The following NTM variants were observed in gnomAD, a reference collection of about 807,000 sequenced individuals.
NTM encodes neurotrimin.
NTM carries 13 observed loss-of-function variants against 42.1 expected under a neutral mutation model. The ratio of observed to expected loss-of-function variants is 0.31; its 90% confidence interval spans 0.20 to 0.49. NTM has a LOEUF of 0.49. Among genes scored for constraint, NTM ranks in the 20% least tolerant of loss-of-function variants. The pLI is 0.99. For synonymous variants in NTM, 187 were observed against 179.2 expected, an observed-to-expected ratio of 1.04 and a Z score of -0.35; for missense variants, 373 against 452.8, an observed-to-expected ratio of 0.82 and a Z score of 1.60.
chr11:131,391,148 T>C (rs976146214), intron 1 of NTM, among the ~76,000 whole-genome samples: 1 of 152,194 alleles, frequency 6.6e-6, no homozygotes, highest in African/African-American at 2.4e-5. Context: ...CCCTGAACCT[T>C]GTGAGGTAGG....
chr11:131,876,910 G>A (rs943386233), intron 1 of NTM, among the ~76,000 whole-genome samples: 22 of 150,938 alleles, frequency 1.5e-4, no homozygotes, highest in African/African-American at 4.9e-4. Context: ...CCAGGCTGGA[G>A]AGCAGTGGTG....
chr11:131,962,047 G>C (rs2062242433), intron 2 of NTM, among the ~76,000 whole-genome samples: 1 of 152,092 alleles, frequency 6.6e-6, no homozygotes, highest in Admixed American at 6.6e-5. Context: ...ATCTCTGTGA[G>C]TGGCCTAGGT....
At chr11:132,077,524 C>G (rs2058520203) in intron 2 of NTM, among the ~76,000 whole-genome samples, 1 of 152,118 alleles carries the variant, frequency 6.6e-6, no homozygotes, top group South Asian at 2.1e-4. Flanking sequence ...CTATCTAACC[C>G]CCATCACAAC....
At chr11:131,623,683 G>A (rs1263722392) in intron 1 of NTM, among the ~76,000 whole-genome samples, 3 of 152,320 alleles carry the variant, frequency 2.0e-5, no homozygotes, top group Admixed American at 6.5e-5. Context: ...AGTGACCCCC[G>A]CAGATGGTTT....
intron 2 of NTM, among the ~76,000 whole-genome samples, chr11:131,986,698 C>T (rs944743246): frequency 6.6e-6 from 1 of 152,122 alleles, no homozygotes; most frequent in African/African-American, 2.4e-5. Context: ...TTTGTATTTG[C>T]CTTCCTTATT....
At position 131,851,682 on chromosome 11, in the gene NTM, C is replaced by A. The variant is rs75244705; in HGVS notation, c.83-59882C>A. On this transcript the variant is annotated intron_variant, in intron 1 of 8. Coordinates refer to ENST00000683400, the MANE Select transcript of NTM (RefSeq NM_001352005.2). ...GTGCCACTGATTTTTATACAAATGC[C>A]ATTGCAGCACCTTTGAGGACATTCT... 2.7e-3 allele frequency among the ~76,000 whole-genome samples: 412 copies of A among 152,158 alleles called. 1 individual carries two copies. Among genetic ancestry groups the A allele is most frequent in the African/African-American group, 9.4e-3 (390 of 41,524 alleles).
At chr11:132,243,984 G>A (rs557600420) in intron 4 of NTM, among the ~76,000 whole-genome samples, 2 of 152,308 alleles carry the variant, frequency 1.3e-5, no homozygotes, top group African/African-American at 4.8e-5. Flanking sequence ...CTGCCATCCC[G>A]TCTCATGGGC....
intron 2 of NTM, among the ~76,000 whole-genome samples, chr11:132,084,855 T>TAAAC (rs2059509241): frequency 6.6e-6 from 1 of 152,192 alleles, no homozygotes; most frequent in Non-Finnish European, 1.5e-5. Context: ...TTGCATTAGT[T>TAAAC]TACTATTGAT....
intron 2 of NTM, among the ~76,000 whole-genome samples, chr11:131,947,619 C>T (rs1307797704): frequency 2.0e-5 from 3 of 152,064 alleles, no homozygotes; most frequent in Non-Finnish European, 4.4e-5. Context: ...GACACAGGGC[C>T]CTGGGGTCTG....
chr11:131,793,515 A>T (rs2136166139), intron 1 of NTM, among the ~76,000 whole-genome samples: 1 of 152,320 alleles, frequency 6.6e-6, no homozygotes, highest in African/African-American at 2.4e-5. Context: ...AGATTTTTAA[A>T]ACTGAGTAGC....
At chr11:132,161,002 C>A (rs1206298038) in intron 3 of NTM, among the ~76,000 whole-genome samples, 1 of 152,198 alleles carries the variant, frequency 6.6e-6, no homozygotes, top group African/African-American at 2.4e-5. Context: ...TAGGGGAGAG[C>A]AGACCCAATT....
At chr11:131,385,966 C>G (rs1009024274) in intron 1 of NTM, among the ~76,000 whole-genome samples, 10 of 152,138 alleles carry the variant, frequency 6.6e-5, no homozygotes, top group Admixed American at 4.6e-4. Context: ...CAATTCTACT[C>G]CTGGGTATAT....
chr11:132,205,368 A>G (rs563110893), intron 3 of NTM, among the ~76,000 whole-genome samples: 5 of 152,224 alleles, frequency 3.3e-5, no homozygotes, highest in Admixed American at 2.0e-4. Context: ...TAATGACATA[A>G]TTATTAAAAC....
At chr11:131,527,174 C>T (rs451104) in intron 1 of NTM, among the ~76,000 whole-genome samples, 32,688 of 152,010 alleles carry the variant, frequency 0.22, 3,744 homozygotes, top group African/African-American at 0.31. Context: ...TAGCTATTCT[C>T]GTCGTATGTG....
At chr11:132,057,757 G>A (rs138306560) in intron 2 of NTM, among the ~76,000 whole-genome samples, 20 of 152,316 alleles carry the variant, frequency 1.3e-4, no homozygotes, top group African/African-American at 2.9e-4. Context: ...CCTAGACTCC[G>A]CGTGTTTTTT....
chr11:131,582,797 C>A (rs2058529396), intron 1 of NTM, among the ~76,000 whole-genome samples: 1 of 152,184 alleles, frequency 6.6e-6, no homozygotes, highest in South Asian at 2.1e-4. Context: ...CCTTCCCCCA[C>A]CAAAAAAACC....
chr11:132,018,812 A>G (rs538839954), intron 2 of NTM, among the ~76,000 whole-genome samples: 1 of 152,112 alleles, frequency 6.6e-6, no homozygotes, highest in Non-Finnish European at 1.5e-5. Context: ...GTTTTTAAAT[A>G]TTTGGTAGAA....
intron 1 of NTM, among the ~76,000 whole-genome samples, chr11:131,576,819 C>A (rs1428831616): frequency 6.6e-6 from 1 of 152,202 alleles, no homozygotes; most frequent in Non-Finnish European, 1.5e-5. Context: ...AATCTTGGCT[C>A]TGTCAGTTTC....
At chr11:131,683,220 T>C (rs1032087736) in intron 1 of NTM, among the ~76,000 whole-genome samples, 12 of 152,216 alleles carry the variant, frequency 7.9e-5, no homozygotes, top group Non-Finnish European at 1.5e-4. Context: ...TGGCAGAGCA[T>C]CACTCTCCGC....
Sources: allele counts gnomAD v4.1 joint callset (sites outside exome capture counted in the v4.1 genomes callset), GRCh38; gene constraint gnomAD v4.1.1; transcripts MANE v1.5; gene names NCBI Gene and HGNC (gene_info 2026-07-23, HGNC 2026-07-21).